ELAPOR1: variants seen among roughly 807,000 people sequenced by gnomAD.
ELAPOR1 encodes the protein endosome/lysosome-associated apoptosis and autophagy regulator 1.
A neutral mutation model predicts 119.7 loss-of-function variants in ELAPOR1; 77 were observed. The ratio of observed to expected loss-of-function variants is 0.64; its 90% confidence interval spans 0.54 to 0.78. The LOEUF (loss-of-function observed/expected upper bound fraction) is 0.78. ELAPOR1 is among the 30% of genes least tolerant of loss of function. The pLI is 0.00. For missense variants in ELAPOR1, 1,115 were observed against 1,270.4 expected (o/e 0.88, Z 1.86); for synonymous variants, 481 against 487.2 (o/e 0.99, Z 0.17).
At chr1:109,173,631 T>G (rs1652061322) in intron 6 of ELAPOR1, 52 bp downstream of exon 6, 1 of 1,613,174 alleles carries the variant, frequency 6.2e-7, no homozygotes, top group African/African-American at 1.3e-5. Context: ...TGCAGTCTCC[T>G]GGGGACTCAG....
At chr1:109,150,950 A>G (rs1650497228) in intron 1 of ELAPOR1, among the ~76,000 whole-genome samples, 1 of 151,662 alleles carries the variant, frequency 6.6e-6, no homozygotes, top group African/African-American at 2.4e-5. Flanking sequence ...GGGATAATAG[A>G]CTCCTTAGAG....
rs774535610 is a variant in ELAPOR1 at position 109,200,220 on chromosome 1, T to C, written c.2790T>C (p.Phe930=). The C allele has an allele frequency of 1.2e-6, 2 of 1,614,096 alleles. No individual in the cohort carries two copies. Among genetic ancestry groups the C allele is most frequent in the Admixed American group, 3.3e-5 (2 of 60,014 alleles). Residue 930 remains phenylalanine, a synonymous_variant, in exon 20 of 22, where the codon TTT becomes TTC. Coordinates refer to ENST00000369939, the MANE Select transcript of ELAPOR1 (RefSeq NM_020775.5). The part of the protein sequence containing the change: ...AILLTVLTCY[F]WKKNQKLEYK... ...TGCTCACCGTCTTGACCTGCTACTT[T>C]TGGAAAAAGAATCAAAAGTACATGT...
At chr1:109,154,299 AAAAAG>A (rs1558035824) in intron 1 of ELAPOR1, among the ~76,000 whole-genome samples, 3 of 150,428 alleles carry the variant, frequency 2.0e-5, no homozygotes, top group African/African-American at 7.4e-5. Flanking sequence ...AAAAAAAAAA[AAAAAG>A]AAAAGGGGAA....
chr1:109,115,317 C>G (rs570701897), intron 1 of ELAPOR1, among the ~76,000 whole-genome samples: 3 of 152,252 alleles, frequency 2.0e-5, no homozygotes, highest in Non-Finnish European at 2.9e-5. Context: ...TCTGTTATTT[C>G]TGTGAAATGT....
intron 1 of ELAPOR1, among the ~76,000 whole-genome samples, chr1:109,120,566 G>A (rs187340347): frequency 6.6e-6 from 1 of 152,226 alleles, no homozygotes; most frequent in African/African-American, 2.4e-5. Flanking sequence ...AGAGCTGTGA[G>A]CAATCAATAT....
At chr1:109,140,098 C>CATTTATTTATTTATTTATTTATTTATTT (rs370169097) in intron 1 of ELAPOR1, among the ~76,000 whole-genome samples, 19 of 151,750 alleles carry the variant, frequency 1.3e-4, no homozygotes, top group African/African-American at 4.6e-4. Flanking sequence ...TAGTATATAT[C>CATTTATTTATTTATTTATTTATTTATTT]ATTTATTTAT....
Position 109,164,716 on chromosome 1 carries a change from C to A in ELAPOR1, c.467+25C>A, listed in dbSNP as rs1290234503. ...CGTGAGTCTGCACACACCCCCACCC[C>A]ACCCCCAGCCCACTGGGTAAGGGGC... On this transcript the variant is annotated intron_variant, in intron 3 of 21. Coordinates refer to ENST00000369939, the MANE Select transcript of ELAPOR1 (RefSeq NM_020775.5). 3.8e-6 allele frequency: 6 copies of A among 1,591,902 alleles called. No homozygotes were observed. In the Admixed American group the frequency reaches 8.5e-5, roughly 22 times the overall value.
intron 1 of ELAPOR1, among the ~76,000 whole-genome samples, chr1:109,134,053 G>A (rs1183052143): frequency 6.6e-6 from 1 of 152,220 alleles, no homozygotes; most frequent in Non-Finnish European, 1.5e-5. Flanking sequence ...GGAAGTGGGA[G>A]GGGGCAGAGG....
At chr1:109,148,802 A>C (rs1465482474) in intron 1 of ELAPOR1, among the ~76,000 whole-genome samples, 1 of 152,256 alleles carries the variant, frequency 6.6e-6, no homozygotes, top group Non-Finnish European at 1.5e-5. Context: ...TCTCATTAAA[A>C]AGTGATAGAA....
intron 1 of ELAPOR1, among the ~76,000 whole-genome samples, chr1:109,132,130 C>T (rs565300420): frequency 6.6e-6 from 1 of 151,736 alleles, no homozygotes; most frequent in African/African-American, 2.4e-5. Context: ...TTCATTTATT[C>T]AAAATTTATT....
rs559080474 is a variant in ELAPOR1 at position 109,175,011 on chromosome 1, G to A, written c.952+1174G>A. Among the ~76,000 whole-genome samples, 36 of 151,794 alleles carry A rather than the reference G, an allele frequency of 2.4e-4. No individual in the cohort carries two copies. The South Asian group carries it at 3.1e-3, about 13-fold the overall frequency. On this transcript the variant is annotated intron_variant, in intron 7 of 21. Coordinates refer to ENST00000369939, the MANE Select transcript of ELAPOR1 (RefSeq NM_020775.5). Reference sequence around the variant, plus strand: ...ATTATAGGCATGAGCCACCGCGCCCGGCCTGGGTTGCAATCTTTTTGTTGC... The same window carrying A: ...ATTATAGGCATGAGCCACCGCGCCCAGCCTGGGTTGCAATCTTTTTGTTGC...
chr1:109,199,252 C>G (rs545271269), intron 18 of ELAPOR1, among the ~76,000 whole-genome samples: 2 of 152,276 alleles, frequency 1.3e-5, no homozygotes, highest in East Asian at 3.9e-4. Flanking sequence ...CCCTCCCCTC[C>G]CCGCATAACA....
At chr1:109,161,756 C>T in intron 1 of ELAPOR1, 138 bp from the exon 2 acceptor site, 1 of 961,030 alleles carries the variant, frequency 1.0e-6, no homozygotes, top group South Asian at 1.6e-5. Flanking sequence ...TCATAATCAT[C>T]AGCTCCCTGC....
rs1649618020 is a variant in ELAPOR1 at position 109,138,475 on chromosome 1, AGG to A, written c.154-23418_154-23417del. ...ATGGCTCGGAGCGCTCATATATCACAGGTGTGTCCACAGCTGATAAGATCCCT... is the reference window on the plus strand; with the variant it reads ...ATGGCTCGGAGCGCTCATATATCACATGTGTCCACAGCTGATAAGATCCCT... On this transcript the variant is annotated intron_variant, in intron 1 of 21. Transcript: ENST00000369939. 2.0e-5 allele frequency among the ~76,000 whole-genome samples: 3 copies of A among 152,022 alleles called. No individual in the cohort carries two copies. The South Asian group carries it at 6.2e-4, about 32-fold the overall frequency.
Position 109,191,489 on chromosome 1 carries a change from T to C in ELAPOR1, c.1545+18T>C, listed in dbSNP as rs1653433135. On this transcript the variant is annotated intron_variant, in intron 12 of 21. Coordinates refer to ENST00000369939, the MANE Select transcript of ELAPOR1 (RefSeq NM_020775.5). ...TCATGGTGGTACGTTTTCCTTTCTT[T>C]GCCCGCTAGAGGGCCTCCAGGGGAG... 1.2e-6 allele frequency: 2 copies of C among 1,606,594 alleles called. No homozygotes were observed. The highest frequency in any genetic ancestry group is 2.2e-5 in the South Asian group (2 of 90,916).
At chr1:109,169,401 A>G (rs12035777) in intron 3 of ELAPOR1, among the ~76,000 whole-genome samples, 70,771 of 151,718 alleles carry the variant, frequency 0.47, 17,547 homozygotes, top group African/African-American at 0.65. Context: ...CACAACACCC[A>G]GCTAATTTTT....
In ELAPOR1 at chr1:109,144,061, A is replaced by ATATATATTTT; in HGVS notation, c.154-17832_154-17831insATATATTTTT. 6.6e-4 allele frequency among the ~76,000 whole-genome samples: 59 copies of ATATATATTTT among 88,988 alleles called. 2 individuals are homozygous for ATATATATTTT. Among genetic ancestry groups the ATATATATTTT allele is most frequent in the Middle Eastern group, 8.2e-3 (1 of 122 alleles). The allele number at this position is 88,988 out of a possible 152,430, so 58.4% of individuals were successfully genotyped here. On this transcript the variant is annotated intron_variant, in intron 1 of 21. Coordinates refer to ENST00000369939, the MANE Select transcript of ELAPOR1 (RefSeq NM_020775.5). ...TATATATATATATATATATTTATAT[A>ATATATATTTT]TTTTTTTTTTTTTTTGAGATGGAGT...
intron 1 of ELAPOR1, among the ~76,000 whole-genome samples, chr1:109,159,423 C>T (rs1651105344): frequency 6.6e-6 from 1 of 152,146 alleles, no homozygotes; most frequent in Admixed American, 6.5e-5. Flanking sequence ...TGGATTTGGC[C>T]CATGTGCCTC....
intron 16 of ELAPOR1, 130 bp downstream of exon 16, chr1:109,197,784 A>T: frequency 8.0e-6 from 9 of 1,118,716 alleles, no homozygotes; most frequent in Non-Finnish European, 1.1e-5. Context: ...CAACCTCTTG[A>T]CCTGTGTTTT....
Sources: gnomAD v4.1 joint callset for allele counts (sites outside exome capture counted in the v4.1 genomes callset) on GRCh38, gnomAD v4.1.1 for gene constraint, MANE v1.5 for transcripts, NCBI Gene and HGNC (gene_info 2026-07-23, HGNC 2026-07-21) for gene names.